The following THSD7B variants were observed in gnomAD, a reference collection of about 807,000 sequenced individuals.
THSD7B encodes thrombospondin type-1 domain-containing protein 7B.
A neutral mutation model predicts 213.6 loss-of-function variants in THSD7B; 138 were observed. The observed-to-expected ratio is 0.65, with a 90% CI of 0.56 to 0.74. THSD7B has a LOEUF of 0.74. THSD7B is among the 30% of genes least tolerant of loss of function. The pLI is 0.00. For synonymous variants in THSD7B, 742 were observed against 687.0 expected, an observed-to-expected ratio of 1.08 and a Z score of -1.25; for missense variants, 1,931 against 1,991.5, an observed-to-expected ratio of 0.97 and a Z score of 0.58.
intron 2 of THSD7B, among the ~76,000 whole-genome samples, chr2:137,009,524 A>G (rs1686183940): frequency 6.6e-6 from 1 of 152,140 alleles, no homozygotes; most frequent in Non-Finnish European, 1.5e-5. Flanking sequence ...ATTTATAAAG[A>G]AATAGAGGTT....
At chr2:137,528,204 T>C (rs921582707) in intron 15 of THSD7B, among the ~76,000 whole-genome samples, 2 of 152,124 alleles carry the variant, frequency 1.3e-5, no homozygotes, top group African/African-American at 4.8e-5. Context: ...TTGGGGTTTG[T>C]TGTGTTTCAT....
chr2:137,242,091 A>T (rs1413369982), intron 9 of THSD7B, among the ~76,000 whole-genome samples: 1 of 152,186 alleles, frequency 6.6e-6, no homozygotes, highest in African/African-American at 2.4e-5. Context: ...AAATTGATGT[A>T]TCACCCTGAA....
intron 2 of THSD7B, among the ~76,000 whole-genome samples, chr2:136,923,327 C>T (rs1347579482): frequency 6.6e-6 from 1 of 152,094 alleles, no homozygotes; most frequent in Admixed American, 6.6e-5. Context: ...TTATATATTT[C>T]TTTTTAAAAA....
chr2:137,353,395 T>A (rs1685056994), intron 12 of THSD7B, among the ~76,000 whole-genome samples: 1 of 152,134 alleles, frequency 6.6e-6, no homozygotes, highest in South Asian at 2.1e-4. Context: ...GTTGTAGAGC[T>A]ATGGGCAGTG....
rs1188796765 is a variant in THSD7B, at chr2:137,487,135, G to A, written c.3138+36112G>A. Among the ~76,000 whole-genome samples the A allele has an allele frequency of 6.0e-5, 9 of 150,008 alleles. 1 individual carries two copies. Among genetic ancestry groups the A allele is most frequent in the Admixed American group, 2.6e-4 (4 of 15,194 alleles). ...TGTAATCCCAGCACTTTGGGAGGCC[G>A]AGGCGGGTGGATCATGAGGTCAGGA... On this transcript the variant is annotated intron_variant, in intron 15 of 27. Coordinates refer to ENST00000409968, the MANE Select transcript of THSD7B (RefSeq NM_001316349.2).
At chr2:137,426,087 ATTT>A (rs939139907) in intron 14 of THSD7B, among the ~76,000 whole-genome samples, 9 of 152,198 alleles carry the variant, frequency 5.9e-5, no homozygotes, top group African/African-American at 2.2e-4. Flanking sequence ...TTACAATAGC[ATTT>A]TAAGAATAAA....
chr2:137,172,682 G>A (rs1046473292), intron 7 of THSD7B, among the ~76,000 whole-genome samples: 6 of 152,198 alleles, frequency 3.9e-5, no homozygotes, highest in African/African-American at 1.2e-4. Flanking sequence ...TATAGGACCT[G>A]AGGAAGGAGT....
intron 1 of THSD7B, among the ~76,000 whole-genome samples, chr2:136,808,598 T>C (rs1682325757): frequency 6.6e-6 from 1 of 152,242 alleles, no homozygotes; most frequent in South Asian, 2.1e-4. Context: ...AATGCTTAGA[T>C]GTGTGACTTT....
intron 12 of THSD7B, among the ~76,000 whole-genome samples, chr2:137,314,720 T>C (rs906270381): frequency 2.6e-5 from 4 of 152,308 alleles, no homozygotes; most frequent in East Asian, 1.9e-4. Flanking sequence ...AGTTTTCCTT[T>C]TAACAGACAG....
At chr2:137,391,387 T>TA (rs879858663) in intron 12 of THSD7B, among the ~76,000 whole-genome samples, 2 of 151,680 alleles carry the variant, frequency 1.3e-5, no homozygotes. Context: ...CAATTTTTTT[T>TA]AAAATCTTTT....
chr2:137,662,860 G>A (rs1162188281), intron 25 of THSD7B, among the ~76,000 whole-genome samples: 1 of 152,092 alleles, frequency 6.6e-6, no homozygotes, highest in Non-Finnish European at 1.5e-5. Flanking sequence ...TTTAAGACCA[G>A]CCTGGCCAAC....
At chr2:137,081,330 T>C (rs1687744184) in intron 3 of THSD7B, among the ~76,000 whole-genome samples, 1 of 152,110 alleles carries the variant, frequency 6.6e-6, no homozygotes, top group South Asian at 2.1e-4. Flanking sequence ...AAAATATAGG[T>C]ATGTTGGACT....
chr2:137,590,769 A>AT (rs1431797534), intron 17 of THSD7B, among the ~76,000 whole-genome samples: 1 of 114,544 alleles, frequency 8.7e-6, no homozygotes, highest in Non-Finnish European at 1.9e-5. Context: ...TACATTTTGC[A>AT]TTTTTCCCTC....
chr2:136,815,607 G>C (rs188416367), intron 1 of THSD7B, among the ~76,000 whole-genome samples: 197 of 152,274 alleles, frequency 1.3e-3, no homozygotes, highest in Admixed American at 4.7e-3. Context: ...ATGGTTTCAT[G>C]AGTGAGACTA....
At chr2:137,191,009 C>T (rs977498600) in intron 7 of THSD7B, among the ~76,000 whole-genome samples, 2 of 152,168 alleles carry the variant, frequency 1.3e-5, no homozygotes, top group East Asian at 1.9e-4. Context: ...TGCTGACAGG[C>T]GATCACCCAA....
intron 1 of THSD7B, among the ~76,000 whole-genome samples, chr2:136,776,649 G>C (rs1681611646): frequency 6.6e-6 from 1 of 152,284 alleles, no homozygotes; most frequent in Non-Finnish European, 1.5e-5. Context: ...GGCAAGCATT[G>C]ATGTTCAGCA....
chr2:137,228,535 C>T (rs1443274300), intron 7 of THSD7B, among the ~76,000 whole-genome samples: 6 of 152,092 alleles, frequency 3.9e-5, no homozygotes, highest in Admixed American at 3.9e-4. Flanking sequence ...TGTCAAATAA[C>T]TCCTCCAAGA....
At chr2:137,647,250 A>AG (rs1683050426) in intron 21 of THSD7B, among the ~76,000 whole-genome samples, 2 of 152,180 alleles carry the variant, frequency 1.3e-5, no homozygotes, top group South Asian at 4.1e-4. Flanking sequence ...GGAGTCCTGC[A>AG]GGGGAAGAGG....
chr2:137,671,469 G>C lies in THSD7B; in HGVS notation c.4739+3608G>C, dbSNP rs1228027229. 9.4e-4 allele frequency among the ~76,000 whole-genome samples: 6 copies of C among 6,358 alleles called. No homozygotes were observed. In the Non-Finnish European group the frequency reaches 0.031, roughly 32 times the overall value. The allele number at this position is 6,358 out of a possible 152,430, so 4.2% of individuals were successfully genotyped here. ...GGAAAGAGATTTAATTGACTCAACAGTTCTATATAGGGCTGGAGAGGCCTC... is the reference window on the plus strand; with the variant it reads ...GGAAAGAGATTTAATTGACTCAACACTTCTATATAGGGCTGGAGAGGCCTC... On this transcript the variant is annotated intron_variant, in intron 27 of 27. Coordinates refer to ENST00000409968, the MANE Select transcript of THSD7B (RefSeq NM_001316349.2).
Sources: allele counts gnomAD v4.1 joint callset (sites outside exome capture counted in the v4.1 genomes callset), GRCh38; gene constraint gnomAD v4.1.1; transcripts MANE v1.5; gene names NCBI Gene and HGNC (gene_info 2026-07-23, HGNC 2026-07-21).